PKHD1: variants seen among roughly 807,000 people sequenced by gnomAD.
PKHD1 encodes the protein fibrocystin.
In PKHD1, 291 loss-of-function variants were observed where a neutral mutation model predicts 412.0. That is an observed-to-expected ratio of 0.71 (90% CI 0.64 to 0.78). The LOEUF is 0.78. Ranked by LOEUF, PKHD1 falls within the 30% of genes least tolerant of loss-of-function variation. The pLI is 0.00. For missense variants in PKHD1, 4,825 were observed against 4,950.7 expected (o/e 0.97, Z 0.76); for synonymous variants, 1,777 against 1,821.5 (o/e 0.98, Z 0.62).
intron 52 of PKHD1, among the ~76,000 whole-genome samples, chr6:51,796,077 G>T (rs898319202): frequency 1.3e-5 from 2 of 152,158 alleles, no homozygotes; most frequent in African/African-American, 4.8e-5. Context: ...GTTTCAGTAG[G>T]AATAGTACCA....
intron 39 of PKHD1, 99 bp from the exon 40 acceptor site, chr6:51,909,573 C>A: frequency 1.2e-6 from 1 of 859,676 alleles, no homozygotes; most frequent in Non-Finnish European, 2.0e-6. Flanking sequence ...CGAGGAAAAA[C>A]CATTACTGTT....
chr6:52,081,976 A>G (rs1812102441), intron 4 of PKHD1, among the ~76,000 whole-genome samples: 1 of 152,176 alleles, frequency 6.6e-6, no homozygotes, highest in African/African-American at 2.4e-5. Context: ...AATAGAGGTA[A>G]TGTCAAACTC....
At chr6:51,906,133 AT>A in intron 41 of PKHD1, 81 bp downstream of exon 41, 1 of 1,151,838 alleles carries the variant, frequency 8.7e-7, no homozygotes, top group Non-Finnish European at 1.3e-6. Context: ...TAAATTAGGA[AT>A]TAGAAATTTG....
At chr6:51,795,975 A>C (rs1179224578) in intron 52 of PKHD1, among the ~76,000 whole-genome samples, 1 of 151,850 alleles carries the variant, frequency 6.6e-6, no homozygotes. Context: ...TATTGACCCG[A>C]ATTTGTCTTA....
chr6:52,079,897 C>T lies in PKHD1; in HGVS notation c.390+3G>A. ...CATACCTTCCTCCAGCCTTAGAACC[C>T]ACCTTGAAAGTACAGCTATCTCGTG... On this transcript the variant is annotated splice_donor_region_variant and intron_variant, in intron 5 of 66. Coordinates refer to ENST00000371117, the MANE Select transcript of PKHD1 (RefSeq NM_138694.4). 7 of 1,529,324 alleles carry T rather than the reference C, an allele frequency of 4.6e-6. No individual in the cohort carries two copies. The highest frequency in any genetic ancestry group is 6.3e-6 in the Non-Finnish European group (7 of 1,102,742). 94.7% of individuals were successfully genotyped at this position (1,529,324 alleles called of 1,614,324 possible).
intron 60 of PKHD1, 75 bp downstream of exon 60, chr6:51,744,310 G>A: frequency 7.7e-7 from 1 of 1,294,994 alleles, no homozygotes; most frequent in Non-Finnish European, 1.1e-6. Context: ...TTCATTCTCA[G>A]TGAGCACAGC....
intron 60 of PKHD1, among the ~76,000 whole-genome samples, chr6:51,713,754 C>T (rs1017626789): frequency 6.6e-5 from 10 of 152,130 alleles, no homozygotes; most frequent in African/African-American, 2.4e-4. Context: ...TGTCCAAGTT[C>T]AACCCTGCAC....
chr6:51,844,518 A>G (rs771944475), intron 50 of PKHD1, among the ~76,000 whole-genome samples: 1 of 152,120 alleles, frequency 6.6e-6, no homozygotes, highest in African/African-American at 2.4e-5. Flanking sequence ...GTGATCCACA[A>G]TTATTTAGTG....
intron 23 of PKHD1, among the ~76,000 whole-genome samples, chr6:52,047,385 C>T (rs563436601): frequency 1.4e-4 from 21 of 152,260 alleles, no homozygotes; most frequent in Admixed American, 3.3e-4. Flanking sequence ...GGCCTAGGGA[C>T]TTTCTGCTTG....
chr6:52,046,237 C>T, intron 23 of PKHD1, 49 bp from the exon 24 acceptor site: 2 of 1,370,598 alleles, frequency 1.5e-6, no homozygotes, highest in Non-Finnish European at 2.1e-6. Context: ...AATTAATCCA[C>T]CTTACAGAGT....
At chr6:51,765,795 T>C (rs545932799) in intron 55 of PKHD1, among the ~76,000 whole-genome samples, 2 of 152,274 alleles carry the variant, frequency 1.3e-5, no homozygotes, top group East Asian at 1.9e-4. Flanking sequence ...ATCTCTTCTA[T>C]ATGTCTAGTG....
At chr6:51,821,500 A>T (rs1368297923) in intron 52 of PKHD1, among the ~76,000 whole-genome samples, 7 of 152,230 alleles carry the variant, frequency 4.6e-5, no homozygotes, top group Non-Finnish European at 1.5e-5. Context: ...GGTATTCCAG[A>T]ACTGAAAGGA....
chr6:52,038,615 C>G (rs745992141), intron 27 of PKHD1, among the ~76,000 whole-genome samples: 8 of 152,070 alleles, frequency 5.3e-5, no homozygotes, highest in African/African-American at 9.7e-5. Context: ...AGACTTCTGG[C>G]CCCCAGAATT....
At chr6:51,779,290 C>G (rs919237944) in intron 53 of PKHD1, among the ~76,000 whole-genome samples, 2 of 152,108 alleles carry the variant, frequency 1.3e-5, no homozygotes, top group African/African-American at 4.8e-5. Flanking sequence ...TCCCTTGCCT[C>G]TGCCCCCCTC....
At chr6:51,713,100 T>C (rs1386557611) in intron 60 of PKHD1, among the ~76,000 whole-genome samples, 1 of 152,212 alleles carries the variant, frequency 6.6e-6, no homozygotes, top group East Asian at 1.9e-4. Flanking sequence ...AATATATCAT[T>C]AATAATGTAT....
rs73435703 is a variant in PKHD1 at position 52,055,385 on chromosome 6, C to T, written c.1836+202G>A. ...TCTCACAGCTAATACAAAGGCATTT[C>T]CAGGTAACAACACACAAGTGGGGGC... is the stretch of plus-strand genomic sequence containing the variant. On this transcript the variant is annotated intron_variant, in intron 19 of 66. Transcript: ENST00000371117. Among the ~76,000 whole-genome samples, 1,408 of 152,334 alleles carry T rather than the reference C, an allele frequency of 9.2e-3. 27 individuals carry two copies. The highest frequency in any genetic ancestry group is 0.032 in the African/African-American group (1,342 of 41,560).
At chr6:51,792,542 CTT>C (rs1793923864) in intron 52 of PKHD1, among the ~76,000 whole-genome samples, 1 of 152,208 alleles carries the variant, frequency 6.6e-6, no homozygotes, top group Non-Finnish European at 1.5e-5. Flanking sequence ...AACCATTTCT[CTT>C]GTTTTCCTAA....
At chr6:51,709,346 T>G (rs1780376015) in intron 60 of PKHD1, among the ~76,000 whole-genome samples, 1 of 152,154 alleles carries the variant, frequency 6.6e-6, no homozygotes, top group Non-Finnish European at 1.5e-5. Flanking sequence ...CTTCCAGGGG[T>G]GTATGACTAG....
Position 51,847,918 on chromosome 6 carries a change from T to G in PKHD1, c.7964A>C (p.His2655Pro), listed in dbSNP as rs748196998. 2.4e-5 allele frequency: 38 copies of G among 1,613,910 alleles called. No individual in the cohort carries two copies. Among genetic ancestry groups the G allele is most frequent in the Non-Finnish European group, 3.2e-5 (38 of 1,179,932 alleles). ...GTCAGGGTAAGGCGGCAAATCTGTG[T>G]GCACCAGCAGTAGGTAATTACCAGG... is the stretch of plus-strand genomic sequence containing the variant. The part of the protein sequence containing the change: ...FAPGNYLLLV[H>P]TDLPPYPDIL... Residue 2655 changes from histidine (H) to proline (P), a missense_variant, in exon 50 of 67, where the codon CAC becomes CCC. Coordinates refer to ENST00000371117, the MANE Select transcript of PKHD1 (RefSeq NM_138694.4).
Sources: gnomAD v4.1 joint callset for allele counts (sites outside exome capture counted in the v4.1 genomes callset) on GRCh38, gnomAD v4.1.1 for gene constraint, MANE v1.5 for transcripts, NCBI Gene and HGNC (gene_info 2026-07-23, HGNC 2026-07-21) for gene names.